Variants in FIBCD1 observed in about 807,000 individuals in gnomAD.
FIBCD1 encodes fibrinogen C domain containing 1, also known as fibrinogen C domain-containing protein 1.
In FIBCD1, 47 loss-of-function variants were observed where a neutral mutation model predicts 45.1. The ratio of observed to expected loss-of-function variants is 1.04; its 90% CI spans 0.82 to 1.33. FIBCD1 has a LOEUF of 1.33. Ranked by LOEUF, FIBCD1 falls within the 40% of genes most tolerant of loss-of-function variation. The pLI, the probability that FIBCD1 is intolerant of heterozygous loss-of-function variation, is 0.00. For synonymous variants in FIBCD1, 313 were observed against 308.1 expected (o/e 1.02, Z -0.17); for missense variants, 653 against 682.2 (o/e 0.96, Z 0.48).
At chr9:130,924,853 C>T (rs1832331906) in intron 2 of FIBCD1, among the ~76,000 whole-genome samples, 1 of 152,170 alleles carries the variant, frequency 6.6e-6, no homozygotes, top group South Asian at 2.1e-4. Flanking sequence ...TCTCCCCTGG[C>T]CTGGCCAAAC....
At chr9:130,913,885 G>A (rs1276051962) in intron 4 of FIBCD1, among the ~76,000 whole-genome samples, 2 of 152,196 alleles carry the variant, frequency 1.3e-5, no homozygotes, top group Non-Finnish European at 2.9e-5. Flanking sequence ...CTGCCCTGGG[G>A]ACTGGGGACC....
intron 4 of FIBCD1, among the ~76,000 whole-genome samples, chr9:130,913,354 C>T (rs376069651): frequency 5.5e-4 from 83 of 151,804 alleles, no homozygotes; most frequent in African/African-American, 1.8e-3. Context: ...GATCTGGCTG[C>T]GGCACCGGCG....
chr9:130,911,504 C>T (rs1832046430), intron 5 of FIBCD1, among the ~76,000 whole-genome samples: 1 of 152,244 alleles, frequency 6.6e-6, no homozygotes, highest in Non-Finnish European at 1.5e-5. Context: ...GGACAGCCAG[C>T]AGGTCCCAGG....
At chr9:130,933,101 G>A (rs973745438) in intron 1 of FIBCD1, among the ~76,000 whole-genome samples, 2 of 152,246 alleles carry the variant, frequency 1.3e-5, no homozygotes, top group African/African-American at 4.8e-5. Flanking sequence ...AGGGGCTCGA[G>A]GAAGCCGCAG....
rs2133112229 is a variant in FIBCD1 at position 130,926,847 on chromosome 9, A to G, written c.553-2451T>C. Among the ~76,000 whole-genome samples the G allele has an allele frequency of 6.6e-6, 1 of 152,222 alleles. No individual in the cohort carries two copies. Among genetic ancestry groups the G allele is most frequent in the East Asian group, 1.9e-4 (1 of 5,184 alleles). On this transcript the variant is annotated intron_variant, in intron 2 of 6. Transcript: ENST00000372338. This position sits in a 1 kb window ranked among gnomAD's most constrained non-coding sequence, Gnocchi z 4.1. ...TCAAAAAATAAATAAATGAATTAAA[A>G]TAAAATAAAATGGGATAACAAATGT... is the stretch of plus-strand genomic sequence containing the variant.
upstream of FIBCD1, among the ~76,000 whole-genome samples, chr9:130,939,785 T>C (rs935767091): frequency 6.6e-6 from 1 of 152,090 alleles, no homozygotes; most frequent in African/African-American, 2.4e-5. Context: ...AGCAGCACTT[T>C]TAAAAGCATT....
intron 4 of FIBCD1, among the ~76,000 whole-genome samples, chr9:130,920,754 T>C (rs1214809581): frequency 6.6e-6 from 1 of 152,006 alleles, no homozygotes; most frequent in East Asian, 1.9e-4. Flanking sequence ...ACCGTCTCCC[T>C]GCCCCTCACT....
rs1326857496 is a variant in FIBCD1, at chr9:130,929,843, G to T, written c.276C>A (p.Ile92=). ...VERADSSHLS[I]LIDPRCPDLT... is the part of the protein sequence containing the mutation. ...GGTCGGGGCAGCGCGGGTCAATGAG[G>T]ATGCTGAGGTGCGAGCTGTCCGCCC... The change falls in exon 2 of 7, where the codon ATC becomes ATA. Residue 92 remains isoleucine, a synonymous_variant. Coordinates refer to ENST00000372338, the MANE Select transcript of FIBCD1 (RefSeq NM_032843.5). 2 of 1,549,870 alleles carry T rather than the reference G, an allele frequency of 1.3e-6. No homozygotes were observed. The highest frequency in any genetic ancestry group is 2.0e-5 in the Admixed American group (1 of 51,008).
Position 130,938,642 on chromosome 9 carries a change from C to A in FIBCD1, c.-35G>T, listed in dbSNP as rs1832560961. ...GGACTGGCGGGGGCGCCGGGCGAGG[C>A]GCGCCGCTGCGGAGCGCAAAGGAGA... On this transcript the variant is annotated 5_prime_UTR_variant, in exon 1 of 7. Transcript: ENST00000372338. 3 of 1,386,946 alleles carry A rather than the reference C, an allele frequency of 2.2e-6. No individual in the cohort carries two copies. The highest frequency in any genetic ancestry group is 2.8e-6 in the Non-Finnish European group (3 of 1,064,296). The allele number at this position is 1,386,946 out of a possible 1,614,324, so 85.9% of individuals were successfully genotyped here. A position where few individuals can be genotyped will look rare whatever the true frequency, so the allele number is the denominator to read the frequency against.
intron 4 of FIBCD1, among the ~76,000 whole-genome samples, chr9:130,912,704 GAA>G (rs10538277): frequency 0.17 from 24,637 of 141,856 alleles, 3,923 homozygotes; most frequent in African/African-American, 0.43. Flanking sequence ...AAAACTGTCT[GAA>G]AAAAAAAAAA....
At chr9:130,932,300 C>G (rs1223242541) in intron 1 of FIBCD1, among the ~76,000 whole-genome samples, 1 of 152,214 alleles carries the variant, frequency 6.6e-6, no homozygotes, top group African/African-American at 2.4e-5. Context: ...AGGGGACATG[C>G]GCCTGGACAT....
At chr9:130,933,280 CTGG>C (rs1223854941) in intron 1 of FIBCD1, among the ~76,000 whole-genome samples, 1 of 152,210 alleles carries the variant, frequency 6.6e-6, no homozygotes, top group East Asian at 1.9e-4. Context: ...AAGGGGGGCT[CTGG>C]GCGCTGAGCA....
chr9:130,938,698 C>G lies in FIBCD1; in HGVS notation c.-91G>C. The G allele has an allele frequency of 3.7e-6, 3 of 817,494 alleles. No individual in the cohort carries two copies. Among genetic ancestry groups the G allele is most frequent in the Non-Finnish European group, 1.6e-6 (1 of 637,580 alleles). The allele number at this position is 817,494 out of a possible 1,614,324, so 50.6% of individuals were successfully genotyped here. Reference sequence around the variant, plus strand: ...TGGGCGCGGGCGCGGGCGCGGGGCGCGCTCTGTCCGCCGGGTCCCCGCCTC... The same window carrying G: ...TGGGCGCGGGCGCGGGCGCGGGGCGGGCTCTGTCCGCCGGGTCCCCGCCTC... On this transcript the variant is annotated 5_prime_UTR_variant, in exon 1 of 7. Coordinates refer to ENST00000372338, the MANE Select transcript of FIBCD1 (RefSeq NM_032843.5).
At chr9:130,934,133 C>A (rs1215917719) in intron 1 of FIBCD1, among the ~76,000 whole-genome samples, 1 of 152,160 alleles carries the variant, frequency 6.6e-6, no homozygotes, top group Non-Finnish European at 1.5e-5. Flanking sequence ...GGGGACTGGG[C>A]CCTGCCTCAG....
intron 1 of FIBCD1, chr9:130,936,282 G>A (rs1832519086): frequency 6.6e-6 from 1 of 152,352 alleles, no homozygotes; most frequent in African/African-American, 2.4e-5. Flanking sequence ...TGGCCCAGGA[G>A]AGGGCAGGCC....
intron 4 of FIBCD1, among the ~76,000 whole-genome samples, chr9:130,912,589 C>G (rs999721245): frequency 6.6e-6 from 1 of 151,964 alleles, no homozygotes; most frequent in African/African-American, 2.4e-5. Flanking sequence ...CACCTGTAAT[C>G]CCAGCTACTG....
intron 1 of FIBCD1, among the ~76,000 whole-genome samples, chr9:130,932,644 C>G (rs1832459569): frequency 6.6e-6 from 1 of 152,226 alleles, no homozygotes; most frequent in African/African-American, 2.4e-5. Context: ...TTGACTGTTT[C>G]TACTCCACTC....
At chr9:130,940,642 A>C (rs567288985), upstream of FIBCD1, among the ~76,000 whole-genome samples, 13 of 152,338 alleles carry the variant, frequency 8.5e-5, no homozygotes, top group East Asian at 2.5e-3. Context: ...GGTTGACTGC[A>C]CACGCTTCAG....
Position 130,903,908 on chromosome 9 carries a change from G to T in FIBCD1, c.*156C>A. ...CGAGAAGGCGATGTGTGACTTCACC[G>T]GCCCAGGGAGCTTCGTGTCAGGGAT... On this transcript the variant is annotated 3_prime_UTR_variant, in exon 7 of 7. Coordinates refer to ENST00000372338, the MANE Select transcript of FIBCD1 (RefSeq NM_032843.5). 1.0e-6 allele frequency: 1 copy of T among 956,088 alleles called. No homozygotes were observed. Among genetic ancestry groups the T allele is most frequent in the Non-Finnish European group, 1.6e-6 (1 of 609,502 alleles). The allele number at this position is 956,088 out of a possible 1,614,324, so 59.2% of individuals were successfully genotyped here.
Sources: allele counts gnomAD v4.1 joint callset (sites outside exome capture counted in the v4.1 genomes callset), GRCh38; gene constraint gnomAD v4.1.1; non-coding constraint Gnocchi (gnomAD v3.1); transcripts MANE v1.5; gene names NCBI Gene and HGNC (gene_info 2026-07-23, HGNC 2026-07-21).